PRR12: variants seen among roughly 807,000 people sequenced by gnomAD.
PRR12 encodes proline rich 12.
Under a neutral mutation model 138.0 loss-of-function variants are expected in PRR12, and 12 were observed. The ratio of observed to expected loss-of-function variants is 0.09; its 90% confidence interval spans 0.06 to 0.14. The LOEUF (loss-of-function observed/expected upper bound fraction) is 0.14, where lower values mean the gene tolerates loss of function less well. Ranked by LOEUF, PRR12 falls within the 10% of genes least tolerant of loss-of-function variation. The pLI is 1.00. For missense variants in PRR12, 2,692 were observed against 2,861.3 expected (o/e 0.94, Z 1.35); for synonymous variants, 1,567 against 1,291.7 (o/e 1.21, Z -4.57).
intron 6 of PRR12, among the ~76,000 whole-genome samples, chr19:49,606,653 T>TTC (rs111269046): frequency 0.017 from 2,522 of 148,174 alleles, 77 homozygotes; most frequent in African/African-American, 0.058. Context: ...CTCTTTTTTT[T>TTC]TTTTTTTTTT....
chr19:49,618,117 G>A (rs1251718956), intron 9 of PRR12, among the ~76,000 whole-genome samples: 1 of 152,062 alleles, frequency 6.6e-6, no homozygotes, highest in Admixed American at 6.6e-5. Context: ...ATGAACGAAC[G>A]AATGAATGAA....
At position 49,594,186 on chromosome 19, in the gene PRR12, A is replaced by G. The variant is rs947522962; in HGVS notation, c.200-268A>G. On this transcript the variant is annotated intron_variant, in intron 2 of 13. Transcript: ENST00000418929. The surrounding 1 kb of genome is among the most constrained non-coding windows in gnomAD (Gnocchi z 5.6). ...GGCTCTTTCGCTTCTAGATTTTTCTACACTTTTGTCTACCATTTCCTACCT... is the reference window on the plus strand; with the variant it reads ...GGCTCTTTCGCTTCTAGATTTTTCTGCACTTTTGTCTACCATTTCCTACCT... 6.6e-6 allele frequency among the ~76,000 whole-genome samples: 1 copy of G among 152,002 alleles called. No individual in the cohort carries two copies. Among genetic ancestry groups the G allele is most frequent in the Non-Finnish European group, 1.5e-5 (1 of 68,010 alleles).
intron 6 of PRR12, among the ~76,000 whole-genome samples, chr19:49,610,297 A>G (rs940998980): frequency 1.3e-5 from 2 of 151,958 alleles, no homozygotes; most frequent in Non-Finnish European, 2.9e-5. Flanking sequence ...CAGTTTTCTC[A>G]TTAATATCGA....
Position 49,597,827 on chromosome 19 carries a change from T to C in PRR12, c.3492T>C (p.Arg1164=), listed in dbSNP as rs1417477274. 1.3e-6 allele frequency: 2 copies of C among 1,524,756 alleles called. No individual in the cohort carries two copies. Among genetic ancestry groups the C allele is most frequent in the East Asian group, 2.4e-5 (1 of 42,314 alleles). The allele number at this position is 1,524,756 out of a possible 1,614,324, so 94.5% of individuals were successfully genotyped here. A position where few individuals can be genotyped will look rare whatever the true frequency, so the allele number is the denominator to read the frequency against. Reference sequence around the variant, plus strand: ...GCCGCAAGCCCACGAAGGCGAAACGTGATGGGCCACCCCGGCCACGGGGGA... The same window carrying C: ...GCCGCAAGCCCACGAAGGCGAAACGCGATGGGCCACCCCGGCCACGGGGGA... ...RRGRKPTKAK[R]DGPPRPRGRP... The change falls in exon 4 of 14, where the codon CGT becomes CGC. Residue 1164 remains arginine (R), a synonymous_variant. Transcript: ENST00000418929. The surrounding 1 kb of genome is among the most constrained non-coding windows in gnomAD (Gnocchi z 6.3).
rs2080723306 is a variant in PRR12, at chr19:49,591,325, C to CG, written c.-329dup. ...CCCGGGACGCCCCCTCCCGAGCGCG[C>CG]GCCCCCCCTTTTCTCTCGCAAGCGC... On this transcript the variant is annotated 5_prime_UTR_variant, in exon 1 of 14. Transcript: ENST00000418929. Among the ~76,000 whole-genome samples, 1 of 150,984 alleles carries CG rather than the reference C, an allele frequency of 6.6e-6. No individual in the cohort carries two copies. The highest frequency in any genetic ancestry group is 1.5e-5 in the Non-Finnish European group (1 of 67,580).
Position 49,599,260 on chromosome 19 carries a change from T to G in PRR12, c.3679-12T>G. On this transcript the variant is annotated splice_polypyrimidine_tract_variant and intron_variant, in intron 4 of 13. Transcript: ENST00000418929. The surrounding 1 kb of genome is among the most constrained non-coding windows in gnomAD (Gnocchi z 5.0). Reference sequence around the variant, plus strand: ...CTACTGGGCCCTCACGGCCCGCCACTCCCATGTCTAGATCAAGCTGTCTGT... The same window carrying G: ...CTACTGGGCCCTCACGGCCCGCCACGCCCATGTCTAGATCAAGCTGTCTGT... 6.4e-7 allele frequency: 1 copy of G among 1,557,124 alleles called. No individual in the cohort carries two copies. The highest frequency in any genetic ancestry group is 8.7e-7 in the Non-Finnish European group (1 of 1,151,218).
At chr19:49,606,926 A>G (rs2080841502) in intron 6 of PRR12, among the ~76,000 whole-genome samples, 2 of 152,148 alleles carry the variant, frequency 1.3e-5, no homozygotes, top group South Asian at 4.1e-4. Flanking sequence ...CCAGAAAAAC[A>G]GCAATCCAAT....
In PRR12 at chr19:49,616,554, CTG is replaced by C. The variant is rs886413884; in HGVS notation, c.5497+337_5497+338del. Among the ~76,000 whole-genome samples the C allele has an allele frequency of 6.6e-5, 10 of 152,088 alleles. No individual in the cohort carries two copies. Among genetic ancestry groups the C allele is most frequent in the Non-Finnish European group, 1.5e-4 (10 of 68,032 alleles). On this transcript the variant is annotated intron_variant, in intron 9 of 13. Coordinates refer to ENST00000418929, the MANE Select transcript of PRR12 (RefSeq NM_020719.3). The surrounding 1 kb of genome is among the most constrained non-coding windows in gnomAD (Gnocchi z 4.2). ...AACTGAGCCCAGGGTGCCTCGGACT[CTG>C]TTCTTCAGTGCTGCGTTCTGCCTCA...
chr19:49,601,498 G>A lies in PRR12; in HGVS notation c.4353G>A (p.Pro1451=), dbSNP rs754327328. ...SANSNGTPEP[P]LLEEKPPPTP... The stretch of plus-strand genomic sequence containing the variant: ...TGTCCCTGTCTCCCCCAGAGCCCCC[G>A]CTGCTGGAGGAGAAACCCCCACCCA... The change falls in exon 6 of 14, where the codon CCG becomes CCA. Residue 1451 remains proline, a synonymous_variant. Coordinates refer to ENST00000418929, the MANE Select transcript of PRR12 (RefSeq NM_020719.3). The A allele has an allele frequency of 1.7e-5, 26 of 1,492,450 alleles. No individual in the cohort carries two copies. The highest frequency in any genetic ancestry group is 1.5e-4 in the Admixed American group (7 of 46,666). The allele number at this position is 1,492,450 out of a possible 1,614,324, so 92.5% of individuals were successfully genotyped here. A position where few individuals can be genotyped will look rare whatever the true frequency, so the allele number is the denominator to read the frequency against.
Position 49,614,624 on chromosome 19 carries a change from A to G in PRR12, c.4865A>G (p.Gln1622Arg). ...TTCACTCCGGAGATCAAGGACGGCC[A>G]GAGGCAGTTTTGTGCCACCAGTAAT... ...QKFTPEIKDG[Q>R]RQFCATSNYL... Residue 1622 changes from glutamine (Q) to arginine (R), a missense_variant, in exon 7 of 14, where the codon CAG (glutamine) becomes CGG (arginine). By Grantham distance (43) the Gln-to-Arg change is conservative (BLOSUM62 1). Transcript: ENST00000418929. This position sits in a 1 kb window ranked among gnomAD's most constrained non-coding sequence, Gnocchi z 5.0. 1 of 1,562,912 alleles carries G rather than the reference A, an allele frequency of 6.4e-7. No homozygotes were observed. Among genetic ancestry groups the G allele is most frequent in the Non-Finnish European group, 8.7e-7 (1 of 1,153,624 alleles).
chr19:49,598,096 C>G, intron 4 of PRR12, 83 bp downstream of exon 4: 1 of 1,205,336 alleles, frequency 8.3e-7, no homozygotes, highest in Non-Finnish European at 1.0e-6. Context: ...TTTTTTGAGA[C>G]AGAGTCTCGC....
In PRR12 at chr19:49,614,048, G is replaced by C. The variant is rs1302474226; in HGVS notation, c.4774-485G>C. Among the ~76,000 whole-genome samples the C allele has an allele frequency of 6.6e-6, 1 of 152,170 alleles. No individual in the cohort carries two copies. The highest frequency in any genetic ancestry group is 1.5e-5 in the Non-Finnish European group (1 of 68,036). ...GGCTTGAACCCGGGAGGCGGAGGTC[G>C]CAGTGAGCTGAGATTGCGCCACTGC... On this transcript the variant is annotated intron_variant, in intron 6 of 13. Coordinates refer to ENST00000418929, the MANE Select transcript of PRR12 (RefSeq NM_020719.3). The surrounding 1 kb of genome is among the most constrained non-coding windows in gnomAD (Gnocchi z 5.0).
At chr19:49,613,576 C>T (rs2080877251) in intron 6 of PRR12, among the ~76,000 whole-genome samples, 2 of 152,094 alleles carry the variant, frequency 1.3e-5, no homozygotes, top group African/African-American at 4.8e-5. Context: ...GTTTGTGGGG[C>T]AGGGGGAGCA....
Position 49,595,877 on chromosome 19 carries a change from C to T in PRR12, c.1542C>T (p.Tyr514=), listed in dbSNP as rs564341330. ...GQLYGVQGEP[Y]PGPAAHSQGL... ...TGTATGGGGTGCAGGGCGAGCCATA[C>T]CCAGGGCCAGCCGCCCACTCCCAGG... The change falls in exon 4 of 14, where the codon TAC becomes TAT. Residue 514 remains tyrosine, a synonymous_variant. Coordinates refer to ENST00000418929, the MANE Select transcript of PRR12 (RefSeq NM_020719.3). The T allele has an allele frequency of 4.4e-6, 7 of 1,603,600 alleles. No homozygotes were observed. In the African/African-American group the frequency reaches 8.0e-5, roughly 18 times the overall value.
Position 49,597,576 on chromosome 19 carries a change from C to G in PRR12, c.3241C>G (p.Leu1081Val). ...GCTCAAGACATCCTCCTTCCACCTG[C>G]TGCGGCGCCGCGACCCACCCTTCCA... is the stretch of plus-strand genomic sequence containing the variant. ...KLLKTSSFHL[L>V]RRRDPPFQTP... Residue 1081 changes from leucine (L) to valine (V), a missense_variant, in exon 4 of 14, where the codon CTG (leucine) becomes GTG (valine). By Grantham distance (32) the Leu-to-Val change is conservative. Around this residue, in one of 11 missense-constraint regions of PRR12, gnomAD observed 840 missense variants for 689.8 expected, o/e 1.22. Coordinates refer to ENST00000418929, the MANE Select transcript of PRR12 (RefSeq NM_020719.3). This position sits in a 1 kb window ranked among gnomAD's most constrained non-coding sequence, Gnocchi z 6.3. The G allele has an allele frequency of 1.9e-6, 3 of 1,603,870 alleles. No homozygotes were observed. The highest frequency in any genetic ancestry group is 1.1e-5 in the South Asian group (1 of 89,016).
chr19:49,624,079 C>T (rs1486988007), intron 11 of PRR12, among the ~76,000 whole-genome samples: 159 of 98,636 alleles, frequency 1.6e-3, no homozygotes, highest in East Asian at 3.4e-3. Flanking sequence ...AGGATGGGGC[C>T]AAGAATTCTG....
chr19:49,607,534 C>T (rs1245453362), intron 6 of PRR12, among the ~76,000 whole-genome samples: 1 of 151,364 alleles, frequency 6.6e-6, no homozygotes, highest in Non-Finnish European at 1.5e-5. Context: ...GGCAAAACGC[C>T]CCCCCTACAA....
chr19:49,601,122 A>G (rs1277444634), intron 5 of PRR12, among the ~76,000 whole-genome samples: 2 of 152,146 alleles, frequency 1.3e-5, no homozygotes, highest in Admixed American at 6.6e-5. Context: ...AAGGACAAAG[A>G]TGGTCCTGGA....
At position 49,597,143 on chromosome 19, in the gene PRR12, C is replaced by G. The variant is rs999630343; in HGVS notation, c.2808C>G (p.Asp936Glu). 3.2e-6 allele frequency: 5 copies of G among 1,551,620 alleles called. No homozygotes were observed. The highest frequency in any genetic ancestry group is 4.4e-6 in the Non-Finnish European group (5 of 1,147,760). The part of the protein sequence containing the change: ...FVPLTSICFP[D>E]SLLQDEERSF... ...CGCTCACCTCCATCTGCTTCCCTGA[C>G]TCCTTGCTCCAAGACGAGGAGCGCA... The change falls in exon 4 of 14, where the codon GAC becomes GAG. Residue 936 changes from aspartate to glutamate, a missense_variant. Physicochemically the swap from Asp to Glu is conservative, Grantham distance 45. Around this residue, in one of 11 missense-constraint regions of PRR12, gnomAD observed 840 missense variants for 689.8 expected, o/e 1.22. Transcript: ENST00000418929. The surrounding 1 kb of genome is among the most constrained non-coding windows in gnomAD (Gnocchi z 6.3).
Sources: allele counts gnomAD v4.1 joint callset (sites outside exome capture counted in the v4.1 genomes callset), GRCh38; gene constraint gnomAD v4.1.1; regional missense constraint gnomAD v4.1.1; non-coding constraint Gnocchi (gnomAD v3.1); transcripts MANE v1.5; gene names NCBI Gene and HGNC (gene_info 2026-07-23, HGNC 2026-07-21).